Variants in SLC44A5 observed in about 807,000 individuals in gnomAD.
The protein encoded by SLC44A5 is solute carrier family 44 member 5.
Under a neutral mutation model 101.8 loss-of-function variants are expected in SLC44A5, and 57 were observed. The observed-to-expected ratio is 0.56, with a 90% CI of 0.45 to 0.70. The LOEUF is 0.70. Among genes scored for constraint, SLC44A5 ranks in the 30% least tolerant of loss-of-function variants. The pLI is 0.00. For missense variants in SLC44A5, 737 were observed against 853.1 expected, an observed-to-expected ratio of 0.86 and a Z score of 1.70; for synonymous variants, 281 against 290.9, an observed-to-expected ratio of 0.97 and a Z score of 0.35.
chr1:75,330,161 A>G (rs943311579), intron 4 of SLC44A5, among the ~76,000 whole-genome samples: 1 of 125,432 alleles, frequency 8.0e-6, no homozygotes, highest in African/African-American at 3.5e-5. Flanking sequence ...GTATATGCAT[A>G]TATATACGTA....
chr1:75,602,927 T>C (rs1278380697), intron 1 of SLC44A5, among the ~76,000 whole-genome samples: 2 of 152,140 alleles, frequency 1.3e-5, no homozygotes, highest in Admixed American at 6.6e-5. Context: ...AGAGTAGTAA[T>C]ACATTTTTAA....
the SLC44A5 span, among the ~76,000 whole-genome samples, chr1:75,629,159 G>A: frequency 6.6e-6 from 1 of 152,114 alleles, no homozygotes; most frequent in Non-Finnish European, 1.5e-5. Flanking sequence ...AGAAGCATGT[G>A]TAGTGCCTGA....
intron 1 of SLC44A5, among the ~76,000 whole-genome samples, chr1:75,596,583 A>G (rs1570704646): frequency 2.6e-5 from 4 of 152,182 alleles, no homozygotes. Context: ...GATCCAACGC[A>G]CATCAAAAAG....
rs186293356 is a variant in SLC44A5 at position 75,597,314 on chromosome 1, G to A, written c.-70+13726C>T. Among the ~76,000 whole-genome samples, 245 of 152,072 alleles carry A rather than the reference G, an allele frequency of 1.6e-3. 1 individual carries two copies. The highest frequency in any genetic ancestry group is 2.8e-3 in the Non-Finnish European group (191 of 67,978). On this transcript the variant is annotated intron_variant, in intron 1 of 23. Transcript: ENST00000370859. Reference sequence around the variant, plus strand: ...GAAATCACAGATAATGCAAAAAAATGGAAAAATATCCCATGCCCATGGACA... The same window carrying A: ...GAAATCACAGATAATGCAAAAAAATAGAAAAATATCCCATGCCCATGGACA...
At chr1:75,605,377 A>T (rs1401523823) in intron 1 of SLC44A5, among the ~76,000 whole-genome samples, 1 of 152,022 alleles carries the variant, frequency 6.6e-6, no homozygotes, top group African/African-American at 2.4e-5. Flanking sequence ...AGAAAAAATA[A>T]AAATAAATAA....
the SLC44A5 span, among the ~76,000 whole-genome samples, chr1:75,637,628 GA>G: frequency 6.6e-6 from 1 of 151,874 alleles, no homozygotes; most frequent in Non-Finnish European, 1.5e-5. Context: ...AATTGCAACT[GA>G]AAAATGTTTA....
intron 5 of SLC44A5, among the ~76,000 whole-genome samples, chr1:75,280,515 C>T (rs1486210538): frequency 8.3e-6 from 1 of 119,934 alleles, no homozygotes; most frequent in Non-Finnish European, 1.6e-5. Context: ...TATAAAAAAA[C>T]ACCTTTTCTT....
chr1:75,249,292 A>T (rs564252464), intron 7 of SLC44A5, among the ~76,000 whole-genome samples: 10 of 152,262 alleles, frequency 6.6e-5, no homozygotes, highest in African/African-American at 2.4e-4. Context: ...ACCAAGAAGA[A>T]GCAAAAAAGT....
the SLC44A5 span, among the ~76,000 whole-genome samples, chr1:75,656,111 A>G: frequency 1.3e-5 from 2 of 152,182 alleles, no homozygotes; most frequent in Non-Finnish European, 2.9e-5. Flanking sequence ...TGACATCTTC[A>G]AAGTGCTGAA....
Position 75,251,193 on chromosome 1 carries a change from G to GGC in SLC44A5, c.345+15_345+16dup. Reference sequence around the variant, plus strand: ...TCAGAACGGCTGACACTACCAGTGAGGCACCTTTTGCCTTACCTGTGTGGT... The same window carrying GGC: ...TCAGAACGGCTGACACTACCAGTGAGGCGCACCTTTTGCCTTACCTGTGTGGT... On this transcript the variant is annotated intron_variant, in intron 7 of 23. Coordinates refer to ENST00000370859, the MANE Select transcript of SLC44A5 (RefSeq NM_001130058.2). 1 of 1,587,300 alleles carries GGC rather than the reference G, an allele frequency of 6.3e-7. No individual in the cohort carries two copies. Among genetic ancestry groups the GGC allele is most frequent in the Non-Finnish European group, 8.6e-7 (1 of 1,156,178 alleles).
intron 1 of SLC44A5, among the ~76,000 whole-genome samples, chr1:75,584,565 G>A (rs893782261): frequency 1.3e-5 from 2 of 151,956 alleles, no homozygotes; most frequent in African/African-American, 4.8e-5. Flanking sequence ...TGCTTTTGGG[G>A]GTTTTGTGGG....
At position 75,203,549 on chromosome 1, in the gene SLC44A5, G is replaced by A. The variant is rs543777361; in HGVS notation, c.*178C>T. 113 of 503,124 alleles carry A rather than the reference G, an allele frequency of 2.2e-4. No individual in the cohort carries two copies. Among genetic ancestry groups the A allele is most frequent in the Admixed American group, 1.2e-3 (27 of 22,814 alleles). The allele number at this position is 503,124 out of a possible 1,614,324, so 31.2% of individuals were successfully genotyped here. A position where few individuals can be genotyped will look rare whatever the true frequency, so the allele number is the denominator to read the frequency against. ...TTTATGTTATTAACAATTCCCTTGCGACTTCTGATGGCTTCACATAGTACA... is the reference window on the plus strand; with the variant it reads ...TTTATGTTATTAACAATTCCCTTGCAACTTCTGATGGCTTCACATAGTACA... On this transcript the variant is annotated 3_prime_UTR_variant, in exon 24 of 24. Coordinates refer to ENST00000370859, the MANE Select transcript of SLC44A5 (RefSeq NM_001130058.2).
chr1:75,430,435 C>A (rs369657045), intron 2 of SLC44A5, among the ~76,000 whole-genome samples: 4 of 152,102 alleles, frequency 2.6e-5, no homozygotes, highest in African/African-American at 9.7e-5. Context: ...GTTATAGAAG[C>A]GCAAATGGAC....
chr1:75,525,648 T>C (rs1002022869), intron 2 of SLC44A5, among the ~76,000 whole-genome samples: 2 of 152,184 alleles, frequency 1.3e-5, no homozygotes, highest in African/African-American at 2.4e-5. Context: ...GAGATAAATG[T>C]CATCTTTAGA....
At chr1:75,298,713 C>A (rs942682981) in intron 5 of SLC44A5, among the ~76,000 whole-genome samples, 8 of 152,178 alleles carry the variant, frequency 5.3e-5, no homozygotes, top group Admixed American at 5.2e-4. Context: ...TTCCTGTGTG[C>A]AGTCAAACTT....
chr1:75,499,386 C>T (rs1026553245), intron 2 of SLC44A5, among the ~76,000 whole-genome samples: 1 of 152,212 alleles, frequency 6.6e-6, no homozygotes, highest in African/African-American at 2.4e-5. Flanking sequence ...CTAATGCCAC[C>T]TCTGATCTTG....
chr1:75,568,111 C>A (rs1207797818), intron 1 of SLC44A5, among the ~76,000 whole-genome samples: 2 of 152,056 alleles, frequency 1.3e-5, no homozygotes, highest in African/African-American at 4.8e-5. Flanking sequence ...TTTTTCCATG[C>A]AAGAAGTCTT....
intron 2 of SLC44A5, among the ~76,000 whole-genome samples, chr1:75,507,855 T>C (rs1052743371): frequency 6.6e-6 from 1 of 152,144 alleles, no homozygotes; most frequent in African/African-American, 2.4e-5. Flanking sequence ...CCACTCAACA[T>C]TGGAACACCC....
chr1:75,396,605 A>G lies in SLC44A5; in HGVS notation c.30T>C (p.Thr10=), dbSNP rs1557741083. Residue 10 remains threonine, a synonymous_variant, in exon 3 of 24, where the codon ACT becomes ACC. Coordinates refer to ENST00000370859, the MANE Select transcript of SLC44A5 (RefSeq NM_001130058.2). MNDTEKPAD[T]PSEEEDFGDP... Reference sequence around the variant, plus strand: ...TACCAAAGTCCTCTTCCTCAGAGGGAGTATCTGCTGGTTTTTCTAGGAAAA... The same window carrying G: ...TACCAAAGTCCTCTTCCTCAGAGGGGGTATCTGCTGGTTTTTCTAGGAAAA... 1.2e-6 allele frequency: 2 copies of G among 1,612,872 alleles called. No individual in the cohort carries two copies. The highest frequency in any genetic ancestry group is 1.7e-6 in the Non-Finnish European group (2 of 1,179,272).
Sources: allele counts gnomAD v4.1 joint callset (sites outside exome capture counted in the v4.1 genomes callset), GRCh38; gene constraint gnomAD v4.1.1; transcripts MANE v1.5; gene names NCBI Gene and HGNC (gene_info 2026-07-23, HGNC 2026-07-21).